The following FOXN3 variants were observed in gnomAD, a reference collection of about 807,000 sequenced individuals.
FOXN3 encodes forkhead box N3.
Under a neutral mutation model 38.4 loss-of-function variants are expected in FOXN3, and 7 were observed. The ratio of observed to expected loss-of-function variants is 0.18; its 90% CI spans 0.10 to 0.34. The LOEUF is 0.34. Ranked by LOEUF, FOXN3 falls within the 10% of genes least tolerant of loss-of-function variation. The pLI, the probability that FOXN3 is intolerant of heterozygous loss-of-function variation, is 1.00. For synonymous variants in FOXN3, 230 were observed against 242.2 expected, an observed-to-expected ratio of 0.95 and a Z score of 0.47; for missense variants, 456 against 613.4, an observed-to-expected ratio of 0.74 and a Z score of 2.71.
chr14:89,197,998 C>T (rs941855459), intron 4 of FOXN3, among the ~76,000 whole-genome samples: 1 of 152,206 alleles, frequency 6.6e-6, no homozygotes, highest in African/African-American at 2.4e-5. Flanking sequence ...CATTAATTAA[C>T]CCCCTACAAT....
intron 3 of FOXN3, among the ~76,000 whole-genome samples, chr14:89,299,342 C>T (rs186877826): frequency 1.9e-3 from 293 of 152,342 alleles, no homozygotes; most frequent in Admixed American, 4.0e-3. Context: ...TGCCTGCCAC[C>T]ATGTAAGACG....
chr14:89,500,460 T>C (rs553337018), intron 1 of FOXN3, among the ~76,000 whole-genome samples: 1 of 152,310 alleles, frequency 6.6e-6, no homozygotes, highest in Admixed American at 6.5e-5. Context: ...GACATCAGCC[T>C]TATTCAATAG....
chr14:89,281,595 T>C (rs535548522), intron 3 of FOXN3, among the ~76,000 whole-genome samples: 96 of 152,330 alleles, frequency 6.3e-4, no homozygotes, highest in Non-Finnish European at 9.7e-4. Context: ...ATTTTGCAGA[T>C]ATGTTACCAC....
chr14:89,534,935 A>T (rs779358399), intron 1 of FOXN3, among the ~76,000 whole-genome samples: 1 of 152,326 alleles, frequency 6.6e-6, no homozygotes, highest in Non-Finnish European at 1.5e-5. Context: ...CACATCTCAG[A>T]ATCTGCTCTT....
intron 2 of FOXN3, among the ~76,000 whole-genome samples, chr14:89,362,746 TCCACCACCACCA>T (rs71130063): frequency 4.5e-3 from 7 of 1,568 alleles, no homozygotes; most frequent in Non-Finnish European, 0.011. Context: ...CACCACCATC[TCCACCACCACCA>T]CCACCACCAC....
At chr14:89,610,278 C>T (rs960906790) in intron 1 of FOXN3, among the ~76,000 whole-genome samples, 1 of 152,202 alleles carries the variant, frequency 6.6e-6, no homozygotes, top group Non-Finnish European at 1.5e-5. Context: ...CCCTGAGAAC[C>T]TTCTCTGGCT....
Position 89,432,504 on chromosome 14 carries a change from A to G in FOXN3, c.-14-20014T>C, listed in dbSNP as rs549622629. Among the ~76,000 whole-genome samples the G allele has an allele frequency of 5.9e-5, 9 of 152,328 alleles. No individual in the cohort carries two copies. The South Asian group carries it at 1.9e-3, about 32-fold the overall frequency. On this transcript the variant is annotated intron_variant, in intron 1 of 6. Transcript: ENST00000345097. Reference sequence around the variant, plus strand: ...GAGCTTTACCTGCATTATTTATTCCATCTTTCCACCACCCTTACAGGATAG... The same window carrying G: ...GAGCTTTACCTGCATTATTTATTCCGTCTTTCCACCACCCTTACAGGATAG...
intron 1 of FOXN3, among the ~76,000 whole-genome samples, chr14:89,413,899 G>A (rs997341594): frequency 1.4e-5 from 2 of 144,234 alleles, no homozygotes; most frequent in African/African-American, 5.2e-5. Context: ...GGCAGGGCAG[G>A]GCAGGGCAAG....
chr14:89,615,847 T>C (rs2139961704), intron 1 of FOXN3, among the ~76,000 whole-genome samples: 1 of 152,310 alleles, frequency 6.6e-6, no homozygotes, highest in South Asian at 2.1e-4. Context: ...TGCAGAATAT[T>C]AAACATTAAA....
intron 1 of FOXN3, among the ~76,000 whole-genome samples, chr14:89,591,004 CA>C (rs1313397763): frequency 6.6e-6 from 1 of 152,218 alleles, no homozygotes; most frequent in East Asian, 1.9e-4. Context: ...CAAACCTAAG[CA>C]TAAAAATGGA....
At chr14:89,485,846 T>C (rs1366765510) in intron 1 of FOXN3, among the ~76,000 whole-genome samples, 1 of 152,162 alleles carries the variant, frequency 6.6e-6, no homozygotes, top group Non-Finnish European at 1.5e-5. Flanking sequence ...GGTGGGTTCA[T>C]TCCTGTCTTC....
In FOXN3 at chr14:89,194,511, C is replaced by T. The variant is rs533093392; in HGVS notation, c.746-13705G>A. Among the ~76,000 whole-genome samples, 3 of 152,198 alleles carry T rather than the reference C, an allele frequency of 2.0e-5. No homozygotes were observed. The South Asian group carries it at 6.2e-4, about 32-fold the overall frequency. ...CTGACATCCTTCTATGGAAAAGTGT[C>T]CTGGACTCTCTGCTAGAACGTCTCA... is the stretch of plus-strand genomic sequence containing the variant. On this transcript the variant is annotated intron_variant, in intron 4 of 5. Coordinates refer to ENST00000557258, the MANE Select transcript of FOXN3 (RefSeq NM_005197.4).
chr14:89,323,225 T>C (rs570409889), intron 3 of FOXN3, among the ~76,000 whole-genome samples: 4 of 146,866 alleles, frequency 2.7e-5, no homozygotes, highest in African/African-American at 1.0e-4. Context: ...GAGGCAGAGG[T>C]TGCAGTGAGC....
intron 3 of FOXN3, among the ~76,000 whole-genome samples, chr14:89,307,839 A>G (rs1039813273): frequency 6.6e-6 from 1 of 152,248 alleles, no homozygotes; most frequent in Admixed American, 6.5e-5. Context: ...AGTCTCTGCT[A>G]ATGCAAATTT....
intron 4 of FOXN3, among the ~76,000 whole-genome samples, chr14:89,272,064 C>T (rs1313400686): frequency 6.6e-6 from 1 of 152,144 alleles, no homozygotes; most frequent in African/African-American, 2.4e-5. Context: ...AATCCCAACA[C>T]TTTGGGAGGC....
intron 4 of FOXN3, among the ~76,000 whole-genome samples, chr14:89,277,446 C>G (rs956497909): frequency 2.0e-5 from 3 of 152,092 alleles, no homozygotes; most frequent in Non-Finnish European, 4.4e-5. Context: ...TCTGTAGCAG[C>G]CTAAATGGCA....
intron 5 of FOXN3, among the ~76,000 whole-genome samples, chr14:89,169,334 G>A (rs1175661125): frequency 6.6e-6 from 1 of 152,108 alleles, no homozygotes. Context: ...CCCACTACTC[G>A]GGAGGCTAAG....
chr14:89,327,270 C>T (rs987950390), intron 3 of FOXN3, among the ~76,000 whole-genome samples: 1 of 152,164 alleles, frequency 6.6e-6, no homozygotes, highest in African/African-American at 2.4e-5. Context: ...AAATATTTAT[C>T]TACCATTATT....
chr14:89,576,681 C>T (rs1895629629), intron 1 of FOXN3: 1 of 152,208 alleles, frequency 6.6e-6, no homozygotes, highest in Non-Finnish European at 1.5e-5. Flanking sequence ...CTTCCCTTAT[C>T]TGTATAGAAT....
Sources: allele counts gnomAD v4.1 joint callset (sites outside exome capture counted in the v4.1 genomes callset), GRCh38; gene constraint gnomAD v4.1.1; transcripts MANE v1.5; gene names NCBI Gene and HGNC (gene_info 2026-07-23, HGNC 2026-07-21).